Variants in KDM5C observed in about 807,000 individuals in gnomAD.
The protein encoded by KDM5C is lysine demethylase 5C.
KDM5C carries 16 observed loss-of-function variants against 110.6 expected under a neutral mutation model. The observed-to-expected ratio is 0.14, with a 90% CI of 0.10 to 0.22. The LOEUF (loss-of-function observed/expected upper bound fraction) is 0.22. KDM5C is among the 10% of genes least tolerant of loss of function. The pLI is 1.00. For synonymous variants in KDM5C, 511 were observed against 520.4 expected, an observed-to-expected ratio of 0.98 and a Z score of 0.24; for missense variants, 681 against 1,300.9, an observed-to-expected ratio of 0.52 and a Z score of 7.33.
intron 14 of KDM5C, 69 bp from the exon 15 acceptor site, chrX:53,199,227 C>T: frequency 1.9e-6 from 2 of 1,059,506 alleles, no homozygotes; most frequent in Non-Finnish European, 2.6e-6. Flanking sequence ...TCTCAGCCAC[C>T]ACCGACCCCT....
chrX:53,225,177 T>C lies in KDM5C; in HGVS notation c.-288A>G. 1 of 342,446 alleles carries C rather than the reference T, an allele frequency of 2.9e-6. No homozygotes were observed. Among genetic ancestry groups the C allele is most frequent in the South Asian group, 8.3e-5 (1 of 11,995 alleles). The allele number at this position is 342,446 out of a possible 1,213,427, so 28.2% of individuals were successfully genotyped here. On this transcript the variant is annotated 5_prime_UTR_variant, in exon 1 of 26. Transcript: ENST00000375401. ...CAGTTACCTCCCAAACGCCGCGGCC[T>C]TCAGCGCCGCCGCCGCCATCTTGGT...
intron 1 of KDM5C, chrX:53,221,797 T>C: frequency 1.1e-6 from 1 of 918,543 alleles, no homozygotes; most frequent in Non-Finnish European, 1.4e-6. Context: ...TGCCTGACTG[T>C]GGTGGCAAAG....
chrX:53,197,966 C>A, intron 17 of KDM5C, 90 bp from the exon 18 acceptor site: 1 of 684,838 alleles, frequency 1.5e-6, no homozygotes, highest in Non-Finnish European at 2.3e-6. Flanking sequence ...CCTCACTACA[C>A]CTGTCCACCT....
chrX:53,223,447 G>A (rs2073949786), intron 1 of KDM5C, among the ~76,000 whole-genome samples: 1 of 111,437 alleles, frequency 9.0e-6, no homozygotes, highest in Admixed American at 9.5e-5. Flanking sequence ...TCCTAGATCT[G>A]TGGCTGAGCA....
intron 14 of KDM5C, 85 bp from the exon 15 acceptor site, chrX:53,199,243 A>G: frequency 3.0e-6 from 3 of 987,371 alleles, no homozygotes; most frequent in Non-Finnish European, 4.3e-6. Flanking sequence ...CCCCTACTTT[A>G]GATTCAAATC....
At chrX:53,185,009 T>C (rs1182612552) in intron 25 of KDM5C, among the ~76,000 whole-genome samples, 2 of 112,223 alleles carry the variant, frequency 1.8e-5, no homozygotes, top group Admixed American at 1.9e-4. Flanking sequence ...TTTAGGGCAA[T>C]AAGAATGTTG....
chrX:53,189,586 C>A (rs1190949968), downstream of KDM5C, among the ~76,000 whole-genome samples: 1 of 112,484 alleles, frequency 8.9e-6, no homozygotes, highest in Non-Finnish European at 1.9e-5. Flanking sequence ...TTAGTGTCTG[C>A]CCCTTCAAGG....
At position 53,215,960 on chromosome X, in the gene KDM5C, C is replaced by G. The variant is rs1181844754; in HGVS notation, c.798G>C (p.Glu266Asp). 8.3e-7 allele frequency: 1 copy of G among 1,210,366 alleles called. No homozygotes were observed. Among genetic ancestry groups the G allele is most frequent in the Non-Finnish European group, 1.1e-6 (1 of 895,146 alleles). The change falls in exon 7 of 26, where the codon GAG becomes GAC. Residue 266 changes from glutamate (E) to aspartate (D), a missense_variant. Physicochemically the swap from Glu to Asp is conservative, Grantham distance 45. This residue lies in a region of KDM5C where 71 missense variants were observed against 115.0 expected (regional missense o/e 0.62). Coordinates refer to ENST00000375401, the MANE Select transcript of KDM5C (RefSeq NM_004187.5). ...TLRKKDKEGP[E>D]CPPTVVVKEE... ...CCTTCACCACTACTGTGGGGGGACA[C>G]TCAGGCCCCTCCTTATCTGGGAGAG...
rs782462444 is a variant in KDM5C, at chrX:53,201,869, A to G, written c.1851T>C (p.Phe617=). ...CTAGACTCACCCAGTCAGCAGTGCAAAAGTTGACAGCCTCGGCAAAGTTGT... is the reference window on the plus strand; with the variant it reads ...CTAGACTCACCCAGTCAGCAGTGCAGAAGTTGACAGCCTCGGCAAAGTTGT... The part of the protein sequence containing the change: ...QGYNFAEAVN[F]CTADWLPAGR... Residue 617 remains phenylalanine (F), a synonymous_variant, in exon 13 of 26, where the codon TTT becomes TTC. Transcript: ENST00000375401. 6 of 1,210,293 alleles carry G rather than the reference A, an allele frequency of 5.0e-6. No individual in the cohort carries two copies. In the East Asian group the frequency reaches 1.2e-4, roughly 24 times the overall value.
chrX:53,222,207 A>C, intron 1 of KDM5C, among the ~76,000 whole-genome samples: 1 of 110,100 alleles, frequency 9.1e-6, no homozygotes, highest in Non-Finnish European at 1.9e-5. Context: ...GGGGAGAGAC[A>C]GTGAAAGAGA....
At chrX:53,209,571 G>A (rs183320953) in intron 12 of KDM5C, among the ~76,000 whole-genome samples, 118 of 111,538 alleles carry the variant, frequency 1.1e-3, no homozygotes, top group African/African-American at 3.7e-3. Flanking sequence ...TAGAGTAAGT[G>A]GTAATGTGTC....
chrX:53,191,134 G>A (rs976032122), downstream of KDM5C, among the ~76,000 whole-genome samples: 17 of 111,702 alleles, frequency 1.5e-4, no homozygotes, highest in Non-Finnish European at 3.0e-4. Context: ...TAGTCTTCTT[G>A]TCAGAAAAAC....
chrX:53,222,386 C>T (rs2073922960), intron 1 of KDM5C, among the ~76,000 whole-genome samples: 1 of 109,181 alleles, frequency 9.2e-6, no homozygotes, highest in Non-Finnish European at 1.9e-5. Flanking sequence ...ACAGGCAGGC[C>T]AAAATGGTAT....
At chrX:53,197,965 A>G in intron 17 of KDM5C, 89 bp from the exon 18 acceptor site, 1 of 681,727 alleles carries the variant, frequency 1.5e-6, no homozygotes, top group Non-Finnish European at 2.3e-6. Context: ...TCCTCACTAC[A>G]CCTGTCCACC....
Position 53,192,861 on chromosome X carries a change from A to ACCCCG in KDM5C, c.*105_*106insCGGGG. ...GGGTGGGCGGGTAGCAGGGATGGCCACCCCCCTACCCGCCCACCCCCCAAG... is the reference window on the plus strand; with the variant it reads ...GGGTGGGCGGGTAGCAGGGATGGCCACCCCGCCCCCCTACCCGCCCACCCCCCAAG... On this transcript the variant is annotated 3_prime_UTR_variant, in exon 26 of 26. Coordinates refer to ENST00000375401, the MANE Select transcript of KDM5C (RefSeq NM_004187.5). 2.4e-5 allele frequency: 12 copies of ACCCCG among 502,000 alleles called. No homozygotes were observed. Among genetic ancestry groups the ACCCCG allele is most frequent in the East Asian group, 6.0e-5 (1 of 16,801 alleles). The allele number at this position is 502,000 out of a possible 1,213,427, so 41.4% of individuals were successfully genotyped here.
intron 12 of KDM5C, among the ~76,000 whole-genome samples, chrX:53,209,775 G>T (rs781804745): frequency 1.8e-5 from 2 of 112,266 alleles, no homozygotes; most frequent in South Asian, 7.4e-4. Context: ...TCACAGGTAA[G>T]CCATGTTGTA....
chrX:53,202,069 C>T (rs2073157707), intron 12 of KDM5C, 96 bp from the exon 13 acceptor site: 1 of 1,036,259 alleles, frequency 9.7e-7, no homozygotes, highest in Non-Finnish European at 1.3e-6. Flanking sequence ...AAAGAAAAGC[C>T]TCAGGGAACA....
At chrX:53,178,845 C>T (rs1037651571) in intron 25 of KDM5C, among the ~76,000 whole-genome samples, 4 of 112,424 alleles carry the variant, frequency 3.6e-5, no homozygotes, top group African/African-American at 9.7e-5. Context: ...ATCCTGTAAT[C>T]CCAGCACTTT....
At position 53,192,956 on chromosome X, in the gene KDM5C, C is replaced by G. The variant is rs1197454076; in HGVS notation, c.*11G>C. 1 of 1,100,663 alleles carries G rather than the reference C, an allele frequency of 9.1e-7. No individual in the cohort carries two copies. Among genetic ancestry groups the G allele is most frequent in the South Asian group, 2.0e-5 (1 of 48,958 alleles). The allele number at this position is 1,100,663 out of a possible 1,213,427, so 90.7% of individuals were successfully genotyped here. On this transcript the variant is annotated 3_prime_UTR_variant, in exon 26 of 26. Coordinates refer to ENST00000375401, the MANE Select transcript of KDM5C (RefSeq NM_004187.5). ...GGTCTCTGTCAGGGTCTGTGCTAGG[C>G]TCAGCCACTGTCACAACTGTTGCTG...
Sources: allele counts gnomAD v4.1 joint callset (sites outside exome capture counted in the v4.1 genomes callset), GRCh38; gene constraint gnomAD v4.1.1; regional missense constraint gnomAD v4.1.1; transcripts MANE v1.5; gene names NCBI Gene and HGNC (gene_info 2026-07-23, HGNC 2026-07-21).